The following SAMMSON variants were observed in gnomAD, a reference collection of about 807,000 sequenced individuals.
SAMMSON encodes the protein long intergenic non-protein coding RNA 1212.
At chr3:70,065,646 C>CGGGAAG (rs2067206821) in intron 3 of SAMMSON, among the ~76,000 whole-genome samples, 1 of 151,980 alleles carries the variant, frequency 6.6e-6, no homozygotes, top group Admixed American at 6.6e-5. Context: ...CATATGGTAC[C>CGGGAAG]GTCTAGAGAC....
intron 4 of SAMMSON, chr3:70,126,497 G>A: frequency 1.6e-6 from 1 of 632,214 alleles, no homozygotes; most frequent in Non-Finnish European, 2.9e-6. Context: ...CTCCTCAGCG[G>A]TCAGCTCAGC....
intron 2 of SAMMSON, among the ~76,000 whole-genome samples, chr3:70,427,198 A>G (rs941486382): frequency 2.6e-5 from 4 of 152,178 alleles, no homozygotes; most frequent in Admixed American, 6.5e-5. Context: ...GACACAGCAT[A>G]CAACATCTGC....
intron 1 of SAMMSON, among the ~76,000 whole-genome samples, chr3:70,006,546 T>C (rs112453334): frequency 6.6e-6 from 1 of 152,188 alleles, no homozygotes; most frequent in South Asian, 2.1e-4. Flanking sequence ...CAAGTCCATG[T>C]GATTTCTACC....
intron 4 of SAMMSON, among the ~76,000 whole-genome samples, chr3:70,138,113 G>A (rs2067513436): frequency 6.6e-6 from 1 of 152,180 alleles, no homozygotes; most frequent in African/African-American, 2.4e-5. Context: ...TTTTGGGAAT[G>A]AGATTCAAAT....
chr3:70,025,890 G>A (rs899574022), intron 3 of SAMMSON, among the ~76,000 whole-genome samples: 5 of 152,172 alleles, frequency 3.3e-5, no homozygotes, highest in Admixed American at 2.6e-4. Flanking sequence ...TTAAGTGGAA[G>A]TGAATCATCA....
Position 70,028,205 on chromosome 3 carries a change from CTCTT to C in SAMMSON, n.417+14545_417+14548del, listed in dbSNP as rs534518874. Among the ~76,000 whole-genome samples the C allele has an allele frequency of 1.6e-3, 200 of 128,486 alleles. 1 individual carries two copies. The highest frequency in any genetic ancestry group is 2.2e-3 in the Non-Finnish European group (137 of 61,458). 84.3% of individuals were successfully genotyped at this position (128,486 alleles called of 152,430 possible). A position where few individuals can be genotyped will look rare whatever the true frequency, so the allele number is the denominator to read the frequency against. On this transcript the variant is annotated intron_variant and non_coding_transcript_variant, in intron 3 of 9. Transcript: ENST00000642114. ...TTCCTTCCTTTCTTTCTTTCTTTCT[CTCTT>C]TCTTTCTTTCTCTTTTTCTTTCTTG... is the stretch of plus-strand genomic sequence containing the variant.
At chr3:70,373,496 T>C (rs115407075) in intron 9 of SAMMSON, among the ~76,000 whole-genome samples, 1 of 152,294 alleles carries the variant, frequency 6.6e-6, no homozygotes, top group Non-Finnish European at 1.5e-5. Context: ...TTCTTCAATC[T>C]GTATGTTTAT....
At chr3:70,064,677 G>A (rs1368749935) in intron 3 of SAMMSON, among the ~76,000 whole-genome samples, 2 of 152,126 alleles carry the variant, frequency 1.3e-5, no homozygotes, top group African/African-American at 4.8e-5. Flanking sequence ...GCTGTTAGAG[G>A]CAGGAGCAGA....
At chr3:70,230,020 A>G (rs902254903) in intron 4 of SAMMSON, among the ~76,000 whole-genome samples, 7 of 152,170 alleles carry the variant, frequency 4.6e-5, no homozygotes, top group African/African-American at 7.2e-5. Context: ...TAATTTTATC[A>G]TATTAAAAGT....
At chr3:70,278,868 A>T (rs1485026979) in intron 6 of SAMMSON, among the ~76,000 whole-genome samples, 1 of 151,988 alleles carries the variant, frequency 6.6e-6, no homozygotes, top group Non-Finnish European at 1.5e-5. Flanking sequence ...TTGTAAAAAC[A>T]AATGAAATAA....
intron 4 of SAMMSON, among the ~76,000 whole-genome samples, chr3:70,214,330 A>G (rs1254390559): frequency 1.3e-5 from 2 of 152,130 alleles, no homozygotes; most frequent in African/African-American, 2.4e-5. Flanking sequence ...TAGCACTTCA[A>G]CTAAAACCCT....
At chr3:70,361,253 T>C (rs775438459) in intron 9 of SAMMSON, among the ~76,000 whole-genome samples, 38 of 152,286 alleles carry the variant, frequency 2.5e-4, no homozygotes, top group Admixed American at 9.8e-4. Flanking sequence ...AACTCTGATC[T>C]CTTTAAGTAC....
At chr3:70,338,777 C>G (rs1358405463) in intron 7 of SAMMSON, among the ~76,000 whole-genome samples, 1 of 152,122 alleles carries the variant, frequency 6.6e-6, no homozygotes, top group Non-Finnish European at 1.5e-5. Context: ...GAAAAACATT[C>G]CATGCTCATG....
intron 4 of SAMMSON, among the ~76,000 whole-genome samples, chr3:70,242,979 T>C (rs902475663): frequency 1.3e-5 from 2 of 152,194 alleles, no homozygotes; most frequent in African/African-American, 4.8e-5. Context: ...CTAACCTAAA[T>C]ACTAATTTCC....
chr3:70,343,527 T>C lies in SAMMSON; in HGVS notation n.740-10648T>C, dbSNP rs533612180. Reference sequence around the variant, plus strand: ...TCATGAGTAGATTGGAGTTATGAGTTTTGGGAGGAAGACCACAGAGGCACA... The same window carrying C: ...TCATGAGTAGATTGGAGTTATGAGTCTTGGGAGGAAGACCACAGAGGCACA... On this transcript the variant is annotated intron_variant and non_coding_transcript_variant, in intron 7 of 9. Coordinates refer to ENST00000642114, the Ensembl canonical transcript of SAMMSON. Among the ~76,000 whole-genome samples, 17 of 152,224 alleles carry C rather than the reference T, an allele frequency of 1.1e-4. 1 individual carries two copies. The South Asian group carries it at 2.7e-3, about 24-fold the overall frequency.
At chr3:70,363,032 CAGAT>C (rs1309960056) in intron 9 of SAMMSON, among the ~76,000 whole-genome samples, 2 of 151,220 alleles carry the variant, frequency 1.3e-5, no homozygotes, top group Non-Finnish European at 3.0e-5. Flanking sequence ...CATGGACTAA[CAGAT>C]AGACCATAGT....
intron 2 of SAMMSON, among the ~76,000 whole-genome samples, chr3:70,433,180 A>G (rs1701429377): frequency 6.6e-6 from 1 of 152,104 alleles, no homozygotes; most frequent in Non-Finnish European, 1.5e-5. Flanking sequence ...AATACCAAGG[A>G]GCATATTTGC....
chr3:70,320,711 G>A (rs1326364977), intron 7 of SAMMSON, among the ~76,000 whole-genome samples: 7 of 152,058 alleles, frequency 4.6e-5, no homozygotes, highest in East Asian at 3.9e-4. Context: ...GACTGTGTCC[G>A]AAATGGGTCA....
intron 7 of SAMMSON, among the ~76,000 whole-genome samples, chr3:70,347,298 T>C (rs1421829136): frequency 5.9e-5 from 9 of 152,258 alleles, no homozygotes; most frequent in Non-Finnish European, 1.2e-4. Context: ...CTTAAATATA[T>C]GCATTGTGTG....
Sources: gnomAD v4.1 joint callset for allele counts (sites outside exome capture counted in the v4.1 genomes callset) on GRCh38, gnomAD v4.1.1 for gene constraint, MANE v1.5 for transcripts, NCBI Gene and HGNC (gene_info 2026-07-23, HGNC 2026-07-21) for gene names.